ATOSA: variants seen among roughly 807,000 people sequenced by gnomAD.
ATOSA encodes atos homolog A.
chr15:52,662,138 C>T, the ATOSA span, among the ~76,000 whole-genome samples: 1 of 152,114 alleles, frequency 6.6e-6, no homozygotes, highest in Non-Finnish European at 1.5e-5. Context: ...CCACAATATA[C>T]TGAACAAACC....
chr15:52,611,304 C>G, the ATOSA span: 3 of 1,595,400 alleles, frequency 1.9e-6, no homozygotes, highest in Non-Finnish European at 2.6e-6. Flanking sequence ...TACAAAATGA[C>G]TGAATTTTAG....
chr15:52,699,571 AAC>A, the ATOSA span, among the ~76,000 whole-genome samples: 2 of 151,630 alleles, frequency 1.3e-5, no homozygotes, highest in African/African-American at 4.8e-5. Context: ...TTCACTCTCC[AAC>A]AGAGTAACTC....
the ATOSA span, among the ~76,000 whole-genome samples, chr15:52,626,962 T>A: frequency 1.3e-5 from 2 of 152,240 alleles, no homozygotes; most frequent in Admixed American, 6.5e-5. Context: ...TAATTCCCAA[T>A]CCCAGTTTTC....
chr15:52,678,217 A>G, the ATOSA span: 3 of 654,204 alleles, frequency 4.6e-6, no homozygotes, highest in African/African-American at 3.6e-5. Context: ...CCTGGCACCA[A>G]CTGCGGTGAC....
At chr15:52,697,672 A>G in the ATOSA span, among the ~76,000 whole-genome samples, 1 of 152,172 alleles carries the variant, frequency 6.6e-6, no homozygotes, top group African/African-American at 2.4e-5. Context: ...GATACTTGCA[A>G]TACATATATC....
the ATOSA span, among the ~76,000 whole-genome samples, chr15:52,583,206 C>A: frequency 6.6e-6 from 1 of 152,138 alleles, no homozygotes; most frequent in East Asian, 1.9e-4. Context: ...AGTATCCTGT[C>A]ATTATGTGGA....
At chr15:52,583,390 GTCATTCAT>G in the ATOSA span, among the ~76,000 whole-genome samples, 244 of 150,852 alleles carry the variant, frequency 1.6e-3, 1 homozygote, top group African/African-American at 5.5e-3. Context: ...TTCATACCAT[GTCATTCAT>G]TCATTCATTC....
chr15:52,582,805 C>T, the ATOSA span, among the ~76,000 whole-genome samples: 1 of 152,152 alleles, frequency 6.6e-6, no homozygotes, highest in Non-Finnish European at 1.5e-5. Flanking sequence ...AAAACCCAGC[C>T]ACCATCAAAA....
chr15:52,609,883 G>C, the ATOSA span: 28 of 1,613,112 alleles, frequency 1.7e-5, no homozygotes, highest in Non-Finnish European at 2.4e-5. Context: ...AGAGATACTG[G>C]AATCAACCAT....
At chr15:52,616,280 G>A in the ATOSA span, among the ~76,000 whole-genome samples, 1 of 152,178 alleles carries the variant, frequency 6.6e-6, no homozygotes, top group African/African-American at 2.4e-5. Flanking sequence ...AGGGTTCTAC[G>A]GTAGTGACGT....
the ATOSA span, among the ~76,000 whole-genome samples, chr15:52,705,536 A>G: frequency 3.4e-4 from 10 of 29,658 alleles, no homozygotes; most frequent in Middle Eastern, 0.012. Context: ...GAAAGAAGAG[A>G]AAAAAAAAAC....
the ATOSA span, among the ~76,000 whole-genome samples, chr15:52,699,575 G>A: frequency 6.6e-6 from 1 of 151,690 alleles, no homozygotes; most frequent in African/African-American, 2.4e-5. Flanking sequence ...CTCTCCAACA[G>A]AGTAACTCAT....
At chr15:52,608,900 T>C in the ATOSA span, 1 of 1,608,694 alleles carries the variant, frequency 6.2e-7, no homozygotes, top group Non-Finnish European at 8.5e-7. Flanking sequence ...GACTGAAGAT[T>C]GCCAAAGAAT....
At chr15:52,681,133 G>A in the ATOSA span, among the ~76,000 whole-genome samples, 1 of 152,006 alleles carries the variant, frequency 6.6e-6, no homozygotes, top group Non-Finnish European at 1.5e-5. Context: ...ACAGCACTTG[G>A]GTAAATGATG....
At chr15:52,660,136 T>C in the ATOSA span, among the ~76,000 whole-genome samples, 1 of 152,244 alleles carries the variant, frequency 6.6e-6, no homozygotes, top group Non-Finnish European at 1.5e-5. Flanking sequence ...ATCTTAGAAC[T>C]TACATAGTAG....
At chr15:52,703,059 G>A in the ATOSA span, among the ~76,000 whole-genome samples, 1 of 152,088 alleles carries the variant, frequency 6.6e-6, no homozygotes, top group African/African-American at 2.4e-5. Context: ...CCACACAATA[G>A]AATACTATTC....
the ATOSA span, chr15:52,658,257 A>T: frequency 6.6e-6 from 1 of 152,260 alleles, no homozygotes; most frequent in African/African-American, 2.4e-5. Flanking sequence ...AGGTGACACT[A>T]CTTCTAAAGA....
the ATOSA span, among the ~76,000 whole-genome samples, chr15:52,669,615 T>C: frequency 1.3e-5 from 2 of 152,240 alleles, no homozygotes; most frequent in African/African-American, 2.4e-5. Flanking sequence ...TTCAGGAATA[T>C]ACATTTGGTT....
At chr15:52,666,156 G>C in the ATOSA span, among the ~76,000 whole-genome samples, 1 of 152,012 alleles carries the variant, frequency 6.6e-6, no homozygotes, top group East Asian at 1.9e-4. Context: ...CATATTACTA[G>C]TGTAATTTTT....
Sources: gnomAD v4.1 joint callset for allele counts (sites outside exome capture counted in the v4.1 genomes callset) on GRCh38, gnomAD v4.1.1 for gene constraint, MANE v1.5 for transcripts, NCBI Gene and HGNC (gene_info 2026-07-23, HGNC 2026-07-21) for gene names.